The following ASB13 variants were observed in gnomAD, a reference collection of about 807,000 sequenced individuals.
ASB13 encodes the protein ankyrin repeat and SOCS box protein 13.
In ASB13, 33 loss-of-function variants were observed where a neutral mutation model predicts 28.8. The ratio of observed to expected loss-of-function variants is 1.15; its 90% CI spans 0.87 to 1.53. The LOEUF (loss-of-function observed/expected upper bound fraction) is 1.53. ASB13 is among the 40% of genes most tolerant of loss of function. The pLI is 0.00. For synonymous variants in ASB13, 182 were observed against 172.9 expected, an observed-to-expected ratio of 1.05 and a Z score of -0.41; for missense variants, 414 against 390.1, an observed-to-expected ratio of 1.06 and a Z score of -0.52.
At position 5,652,915 on chromosome 10, in the gene ASB13, C is replaced by G. The variant is rs191196521; in HGVS notation, c.179G>C (p.Ser60Thr). The G allele has an allele frequency of 1.3e-6, 2 of 1,584,892 alleles. No individual in the cohort carries two copies. The highest frequency in any genetic ancestry group is 1.7e-4 in the Middle Eastern group (1 of 5,818). The change falls in exon 2 of 6, where the codon AGT (serine) becomes ACT (threonine). Residue 60 changes from serine (S) to threonine (T), a missense_variant. Coordinates refer to ENST00000357700, the MANE Select transcript of ASB13 (RefSeq NM_024701.4). The surrounding 1 kb of genome is among the most constrained non-coding windows in gnomAD (Gnocchi z 5.0). The stretch of plus-strand genomic sequence containing the variant: ...CACACACCGCGCCTGGCCCTGCAGA[C>G]TGGCTGCGTGCAGGGGCGTGATGGA... Reference protein sequence around the residue: ...VDSITPLHAASLQGQARCVQL... With the variant: ...VDSITPLHAATLQGQARCVQL...
rs542441645 is a variant in ASB13 at position 5,650,168 on chromosome 10, T to C, written c.382+1045A>G. 1.7e-4 allele frequency among the ~76,000 whole-genome samples: 26 copies of C among 152,186 alleles called. No homozygotes were observed. The highest frequency in any genetic ancestry group is 9.2e-4 in the Admixed American group (14 of 15,274). ...CTATGGATTCCTTCCCCAACCCTAC[T>C]AAATGAAACCATCCCACTCCACCAG... On this transcript the variant is annotated intron_variant, in intron 3 of 5. Transcript: ENST00000357700. The surrounding 1 kb of genome is among the most constrained non-coding windows in gnomAD (Gnocchi z 6.0).
At position 5,649,416 on chromosome 10, in the gene ASB13, C is replaced by T. The variant is rs117962169; in HGVS notation, c.383-312G>A. 0.011 allele frequency among the ~76,000 whole-genome samples: 1,676 copies of T among 152,256 alleles called. 13 individuals are homozygous for T. The highest frequency in any genetic ancestry group is 0.019 in the Non-Finnish European group (1,307 of 67,988). On this transcript the variant is annotated intron_variant, in intron 3 of 5. Coordinates refer to ENST00000357700, the MANE Select transcript of ASB13 (RefSeq NM_024701.4). This position sits in a 1 kb window ranked among gnomAD's most constrained non-coding sequence, Gnocchi z 6.4. Reference sequence around the variant, plus strand: ...GTCAGGGAAAACTCCCCCGCTGCCCCCCTGCCCTGTGTCTACCTGCGGCTG... The same window carrying T: ...GTCAGGGAAAACTCCCCCGCTGCCCTCCTGCCCTGTGTCTACCTGCGGCTG...
Position 5,640,107 on chromosome 10 carries a change from C to T in ASB13, c.*596G>A, listed in dbSNP as rs3750645. On this transcript the variant is annotated 3_prime_UTR_variant, in exon 6 of 6. Coordinates refer to ENST00000357700, the MANE Select transcript of ASB13 (RefSeq NM_024701.4). ...AGAAAGTCCCTGAGTGACAGATGCGCGCAGGCTTGGGGCTGGGGGATGCCT... is the reference window on the plus strand; with the variant it reads ...AGAAAGTCCCTGAGTGACAGATGCGTGCAGGCTTGGGGCTGGGGGATGCCT... 0.31 allele frequency: 47,912 copies of T among 152,850 alleles called. 8,804 individuals are homozygous for T. The highest frequency in any genetic ancestry group is 0.43 in the Non-Finnish European group (29,376 of 68,230). 9.5% of individuals were successfully genotyped at this position (152,850 alleles called of 1,614,324 possible). A position where few individuals can be genotyped will look rare whatever the true frequency, so the allele number is the denominator to read the frequency against.
At position 5,649,228 on chromosome 10, in the gene ASB13, T is replaced by G; in HGVS notation, c.383-124A>C. On this transcript the variant is annotated intron_variant, in intron 3 of 5. Coordinates refer to ENST00000357700, the MANE Select transcript of ASB13 (RefSeq NM_024701.4). The surrounding 1 kb of genome is among the most constrained non-coding windows in gnomAD (Gnocchi z 6.4). ...GCAGGGCAGGGAAGCCAGGCAGGCC[T>G]GCGTCCCAACCTAGGGAGGAGTTCA... The G allele has an allele frequency of 7.3e-7, 1 of 1,361,884 alleles. No homozygotes were observed. Among genetic ancestry groups the G allele is most frequent in the East Asian group, 2.3e-5 (1 of 42,840 alleles). The allele number at this position is 1,361,884 out of a possible 1,614,324, so 84.4% of individuals were successfully genotyped here. A position where few individuals can be genotyped will look rare whatever the true frequency, so the allele number is the denominator to read the frequency against.
chr10:5,648,183 TCAGGTAAACACCCACG>T (rs1834916838), intron 4 of ASB13, among the ~76,000 whole-genome samples: 4 of 133,476 alleles, frequency 3.0e-5, no homozygotes, highest in South Asian at 2.4e-4. Context: ...AAACACCCAC[TCAGGTAAACACCCACG>T]CAGGCAAACA....
chr10:5,646,214 C>G (rs1161359224), intron 4 of ASB13, among the ~76,000 whole-genome samples: 1 of 152,230 alleles, frequency 6.6e-6, no homozygotes, highest in Non-Finnish European at 1.5e-5. Flanking sequence ...CCAGCCCCCA[C>G]CCCCGACTGT....
chr10:5,660,923 G>A lies in ASB13; in HGVS notation c.43+5586C>T, dbSNP rs1835149209. 6.6e-6 allele frequency among the ~76,000 whole-genome samples: 1 copy of A among 152,220 alleles called. No individual in the cohort carries two copies. The highest frequency in any genetic ancestry group is 6.5e-5 in the Admixed American group (1 of 15,284). On this transcript the variant is annotated intron_variant, in intron 1 of 5. Transcript: ENST00000357700. This position sits in a 1 kb window ranked among gnomAD's most constrained non-coding sequence, Gnocchi z 6.1. ...AGTGTGCCGGGCCATCTCGCCAGCT[G>A]GCTGCTGCACAGCCAGGTTCTGCTG...
At position 5,652,897 on chromosome 10, in the gene ASB13, C is replaced by T. The variant is rs879432449; in HGVS notation, c.197G>A (p.Arg66Gln). The T allele has an allele frequency of 7.6e-6, 12 of 1,579,322 alleles. No individual in the cohort carries two copies. The highest frequency in any genetic ancestry group is 4.6e-5 in the East Asian group (2 of 43,552). ...AGCCGCCAGCAGCAGCTGCACACACCGCGCCTGGCCCTGCAGACTGGCTGC... is the reference window on the plus strand; with the variant it reads ...AGCCGCCAGCAGCAGCTGCACACACTGCGCCTGGCCCTGCAGACTGGCTGC... ...LHAASLQGQA[R>Q]CVQLLLAAGA... The change falls in exon 2 of 6, where the codon CGG (arginine) becomes CAG (glutamine). Residue 66 changes from arginine (R) to glutamine (Q), a missense_variant. By Grantham distance (43) the Arg-to-Gln change is conservative. Transcript: ENST00000357700. This position sits in a 1 kb window ranked among gnomAD's most constrained non-coding sequence, Gnocchi z 5.0.
At position 5,664,593 on chromosome 10, in the gene ASB13, G is replaced by A. The variant is rs1414275299; in HGVS notation, c.43+1916C>T. 6.6e-6 allele frequency among the ~76,000 whole-genome samples: 1 copy of A among 152,174 alleles called. No homozygotes were observed. Among genetic ancestry groups the A allele is most frequent in the Non-Finnish European group, 1.5e-5 (1 of 68,030 alleles). Reference sequence around the variant, plus strand: ...AGGACCCTGGGGGGAACGTACGGGGGAGTGGGGGAGCAGCCAGTAGGTTAG... The same window carrying A: ...AGGACCCTGGGGGGAACGTACGGGGAAGTGGGGGAGCAGCCAGTAGGTTAG... On this transcript the variant is annotated intron_variant, in intron 1 of 5. Transcript: ENST00000357700. The surrounding 1 kb of genome is among the most constrained non-coding windows in gnomAD (Gnocchi z 4.2).
chr10:5,653,106 G>T, intron 1 of ASB13, 56 bp from the exon 2 acceptor site: 1 of 1,469,450 alleles, frequency 6.8e-7, no homozygotes, highest in South Asian at 1.3e-5. Flanking sequence ...CAGGACAAAT[G>T]AGCACACGTA....
At position 5,663,357 on chromosome 10, in the gene ASB13, G is replaced by A. The variant is rs957852279; in HGVS notation, c.43+3152C>T. Among the ~76,000 whole-genome samples the A allele has an allele frequency of 9.9e-5, 15 of 152,266 alleles. No individual in the cohort carries two copies. The highest frequency in any genetic ancestry group is 2.9e-4 in the African/African-American group (12 of 41,538). On this transcript the variant is annotated intron_variant, in intron 1 of 5. Transcript: ENST00000357700. This position sits in a 1 kb window ranked among gnomAD's most constrained non-coding sequence, Gnocchi z 4.9. ...AGGACGCTAAAACCACACTGGATTC[G>A]CTGCATTATCCTTCAATGTCTCCTC...
Position 5,644,425 on chromosome 10 carries a change from G to T in ASB13, c.518-2464C>A, listed in dbSNP as rs1408489154. 6.6e-6 allele frequency among the ~76,000 whole-genome samples: 1 copy of T among 152,182 alleles called. No individual in the cohort carries two copies. The highest frequency in any genetic ancestry group is 1.5e-5 in the Non-Finnish European group (1 of 68,032). ...GTAGGAGGATCACTTGAGCCCGGGAGGTTGAGGCTGCAGCAAGCCACGATC... is the reference window on the plus strand; with the variant it reads ...GTAGGAGGATCACTTGAGCCCGGGATGTTGAGGCTGCAGCAAGCCACGATC... On this transcript the variant is annotated intron_variant, in intron 4 of 5. Transcript: ENST00000357700. This position sits in a 1 kb window ranked among gnomAD's most constrained non-coding sequence, Gnocchi z 5.1.
rs999895004 is a variant in ASB13 at position 5,658,937 on chromosome 10, C to A, written c.44-5887G>T. Among the ~76,000 whole-genome samples the A allele has an allele frequency of 6.6e-6, 1 of 152,120 alleles. No homozygotes were observed. Among genetic ancestry groups the A allele is most frequent in the Non-Finnish European group, 1.5e-5 (1 of 68,006 alleles). ...GGCCCTTCCAGGGGGCGAAGAGACCCACTCTCTTCATAAACATCAGCCCCC... is the reference window on the plus strand; with the variant it reads ...GGCCCTTCCAGGGGGCGAAGAGACCAACTCTCTTCATAAACATCAGCCCCC... On this transcript the variant is annotated intron_variant, in intron 1 of 5. Coordinates refer to ENST00000357700, the MANE Select transcript of ASB13 (RefSeq NM_024701.4). The surrounding 1 kb of genome is among the most constrained non-coding windows in gnomAD (Gnocchi z 4.2).
In ASB13 at chr10:5,651,490, G is replaced by T; in HGVS notation, c.232-127C>A. Reference sequence around the variant, plus strand: ...GCACCGGTTTGCTTTGCTATTATGTGCTAGGCAACGACACTGAAAGAGATA... The same window carrying T: ...GCACCGGTTTGCTTTGCTATTATGTTCTAGGCAACGACACTGAAAGAGATA... On this transcript the variant is annotated intron_variant, in intron 2 of 5. Coordinates refer to ENST00000357700, the MANE Select transcript of ASB13 (RefSeq NM_024701.4). This position sits in a 1 kb window ranked among gnomAD's most constrained non-coding sequence, Gnocchi z 5.1. The T allele has an allele frequency of 9.3e-7, 1 of 1,079,178 alleles. No homozygotes were observed. Among genetic ancestry groups the T allele is most frequent in the Non-Finnish European group, 1.3e-6 (1 of 769,292 alleles). The allele number at this position is 1,079,178 out of a possible 1,614,324, so 66.9% of individuals were successfully genotyped here.
intron 1 of ASB13, among the ~76,000 whole-genome samples, chr10:5,657,174 C>T (rs1383185045): frequency 6.6e-6 from 1 of 151,942 alleles, no homozygotes; most frequent in African/African-American, 2.4e-5. Context: ...AAATTAGCAG[C>T]AGACATGATA....
Position 5,663,178 on chromosome 10 carries a change from T to TA in ASB13, c.43+3330dup, listed in dbSNP as rs1835203613. On this transcript the variant is annotated intron_variant, in intron 1 of 5. Coordinates refer to ENST00000357700, the MANE Select transcript of ASB13 (RefSeq NM_024701.4). The surrounding 1 kb of genome is among the most constrained non-coding windows in gnomAD (Gnocchi z 4.9). ...GAGGGACAAAATGGTCAAAACTCAG[T>TA]AAGAGTGGAGAAAAGAAAGGGAAAG... Among the ~76,000 whole-genome samples, 2 of 151,752 alleles carry TA rather than the reference T, an allele frequency of 1.3e-5. No individual in the cohort carries two copies. The highest frequency in any genetic ancestry group is 4.1e-4 in the South Asian group (2 of 4,820).
rs1051274859 is a variant in ASB13, at chr10:5,644,303, G to T, written c.518-2342C>A. 1.3e-5 allele frequency among the ~76,000 whole-genome samples: 2 copies of T among 152,160 alleles called. No homozygotes were observed. Among genetic ancestry groups the T allele is most frequent in the African/African-American group, 4.8e-5 (2 of 41,428 alleles). On this transcript the variant is annotated intron_variant, in intron 4 of 5. Coordinates refer to ENST00000357700, the MANE Select transcript of ASB13 (RefSeq NM_024701.4). This position sits in a 1 kb window ranked among gnomAD's most constrained non-coding sequence, Gnocchi z 5.1. Reference sequence around the variant, plus strand: ...GGGCCCAGGAAATCGAGACCAGCCTGCGCAACATAGTGAGACCCTAGCTCT... The same window carrying T: ...GGGCCCAGGAAATCGAGACCAGCCTTCGCAACATAGTGAGACCCTAGCTCT...
At position 5,660,524 on chromosome 10, in the gene ASB13, C is replaced by T. The variant is rs117956194; in HGVS notation, c.43+5985G>A. On this transcript the variant is annotated intron_variant, in intron 1 of 5. Transcript: ENST00000357700. The surrounding 1 kb of genome is among the most constrained non-coding windows in gnomAD (Gnocchi z 6.1). The stretch of plus-strand genomic sequence containing the variant: ...GGCAAGCTGCAGGAACCACCCTGCT[C>T]GTGAGTTCAAAGCTCGTCTCACAGC... Among the ~76,000 whole-genome samples the T allele has an allele frequency of 3.3e-3, 509 of 152,292 alleles. 5 individuals are homozygous for T. The highest frequency in any genetic ancestry group is 9.5e-3 in the South Asian group (46 of 4,824).
Position 5,651,597 on chromosome 10 carries a change from G to A in ASB13, c.232-234C>T, listed in dbSNP as rs1834986402. 2 of 498,602 alleles carry A rather than the reference G, an allele frequency of 4.0e-6. No individual in the cohort carries two copies. The highest frequency in any genetic ancestry group is 2.5e-5 in the South Asian group (1 of 40,374). 30.9% of individuals were successfully genotyped at this position (498,602 alleles called of 1,614,324 possible). The stretch of plus-strand genomic sequence containing the variant: ...ATTCTTTTCTCTCAGGGCAGGATAA[G>A]CTCAGCAGCCCCCTCGCCACCCCCG... On this transcript the variant is annotated intron_variant, in intron 2 of 5. Transcript: ENST00000357700. The surrounding 1 kb of genome is among the most constrained non-coding windows in gnomAD (Gnocchi z 5.1).
Sources: gnomAD v4.1 joint callset for allele counts (sites outside exome capture counted in the v4.1 genomes callset) on GRCh38, gnomAD v4.1.1 for gene constraint, Gnocchi (gnomAD v3.1) non-coding constraint, MANE v1.5 for transcripts, NCBI Gene and HGNC (gene_info 2026-07-23, HGNC 2026-07-21) for gene names.